Variants in NETO1 observed in about 807,000 individuals in gnomAD.
NETO1 encodes neuropilin and tolloid like 1, also known as neuropilin and tolloid-like protein 1.
A neutral mutation model predicts 61.3 loss-of-function variants in NETO1; 26 were observed. The observed-to-expected ratio is 0.42, with a 90% confidence interval of 0.31 to 0.59. NETO1 has a LOEUF of 0.59. Ranked by LOEUF, NETO1 falls within the 20% of genes least tolerant of loss-of-function variation. The pLI, the probability that NETO1 is intolerant of heterozygous loss-of-function variation, is 0.12. For synonymous variants in NETO1, 225 were observed against 225.8 expected (o/e 1.00, Z 0.03); for missense variants, 531 against 662.8 (o/e 0.80, Z 2.18).
At chr18:72,802,284 C>T (rs4265912) in intron 4 of NETO1, among the ~76,000 whole-genome samples, 9 of 151,982 alleles carry the variant, frequency 5.9e-5, no homozygotes, top group Admixed American at 4.6e-4. Flanking sequence ...AGACCTTGGT[C>T]GAGAAGCTCA....
At chr18:72,813,148 T>C (rs1426596325) in intron 4 of NETO1, among the ~76,000 whole-genome samples, 2 of 152,156 alleles carry the variant, frequency 1.3e-5, no homozygotes, top group East Asian at 3.9e-4. Context: ...AGAGGGACGA[T>C]GCCTTGCTGT....
At chr18:72,803,928 A>T (rs1157031721) in intron 4 of NETO1, among the ~76,000 whole-genome samples, 1 of 152,154 alleles carries the variant, frequency 6.6e-6, no homozygotes, top group Non-Finnish European at 1.5e-5. Flanking sequence ...ATCATAACAG[A>T]TTTAATGCAT....
At chr18:72,854,101 C>A (rs2074342861) in intron 4 of NETO1, among the ~76,000 whole-genome samples, 1 of 148,544 alleles carries the variant, frequency 6.7e-6, no homozygotes, top group South Asian at 2.2e-4. Context: ...TAAATCACTG[C>A]AGTGCAGTGT....
chr18:72,829,401 A>G (rs925248370), intron 4 of NETO1, among the ~76,000 whole-genome samples: 3 of 152,114 alleles, frequency 2.0e-5, no homozygotes, highest in African/African-American at 7.2e-5. Flanking sequence ...TAAAGAGAAA[A>G]AAATATCTAA....
At chr18:72,782,174 T>C (rs979835023) in intron 7 of NETO1, among the ~76,000 whole-genome samples, 49 of 152,204 alleles carry the variant, frequency 3.2e-4, no homozygotes, top group Non-Finnish European at 1.5e-4. Context: ...GCAAAGTACA[T>C]GGTATCATTC....
intron 4 of NETO1, among the ~76,000 whole-genome samples, chr18:72,809,260 T>C (rs970166269): frequency 6.6e-6 from 1 of 152,206 alleles, no homozygotes; most frequent in African/African-American, 2.4e-5. Context: ...AAAGCTTTTG[T>C]AATGATATTA....
chr18:72,745,284 T>A lies in NETO1; in HGVS notation c.*2895A>T, dbSNP rs1402542940. On this transcript the variant is annotated 3_prime_UTR_variant, in exon 11 of 11. Transcript: ENST00000327305. ...ATACAAAATAAATCAGATTTCCAAA[T>A]TAGAACCTTGAAATTAGGCAACTAC... 3 of 152,166 alleles carry A rather than the reference T, an allele frequency of 2.0e-5. No homozygotes were observed. The highest frequency in any genetic ancestry group is 4.4e-5 in the Non-Finnish European group (3 of 68,016). 9.4% of individuals were successfully genotyped at this position (152,166 alleles called of 1,614,324 possible). A position where few individuals can be genotyped will look rare whatever the true frequency, so the allele number is the denominator to read the frequency against.
intron 4 of NETO1, among the ~76,000 whole-genome samples, chr18:72,817,966 A>G (rs1308664441): frequency 2.0e-5 from 3 of 152,208 alleles, no homozygotes; most frequent in African/African-American, 4.8e-5. Context: ...CCTGTGAATG[A>G]GCTGGAAAGT....
chr18:72,749,829 G>A (rs969951282), intron 9 of NETO1, among the ~76,000 whole-genome samples: 36 of 151,988 alleles, frequency 2.4e-4, no homozygotes, highest in African/African-American at 8.5e-4. Context: ...AAGTATCTTT[G>A]GTCTCTGTGT....
chr18:72,822,694 A>G (rs1035388876), intron 4 of NETO1, among the ~76,000 whole-genome samples: 2 of 152,228 alleles, frequency 1.3e-5, no homozygotes, highest in Admixed American at 6.5e-5. Flanking sequence ...TGTTTTCAAA[A>G]CAAGTGGATT....
At chr18:72,781,839 T>C (rs1322850375) in intron 7 of NETO1, among the ~76,000 whole-genome samples, 1 of 150,166 alleles carries the variant, frequency 6.7e-6, no homozygotes, top group East Asian at 1.9e-4. Flanking sequence ...TTTCTTTTCA[T>C]TTAAAGTTGT....
At chr18:72,773,764 T>C (rs2071455147) in intron 7 of NETO1, among the ~76,000 whole-genome samples, 1 of 152,110 alleles carries the variant, frequency 6.6e-6, no homozygotes, top group Non-Finnish European at 1.5e-5. Flanking sequence ...TGTGAGTCAA[T>C]TTAACCTCTT....
At position 72,830,122 on chromosome 18, in the gene NETO1, G is replaced by A. The variant is rs917045342; in HGVS notation, c.469+28704C>T. Among the ~76,000 whole-genome samples the A allele has an allele frequency of 1.3e-5, 2 of 152,164 alleles. No individual in the cohort carries two copies. The highest frequency in any genetic ancestry group is 2.4e-5 in the African/African-American group (1 of 41,428). On this transcript the variant is annotated intron_variant, in intron 4 of 10. Transcript: ENST00000327305. This position sits in a 1 kb window ranked among gnomAD's most constrained non-coding sequence, Gnocchi z 4.9. ...CCTATGTGGCTGAAATATGAAGGAA[G>A]TACTATAAAACCTATGGCTTTATCA...
Position 72,835,410 on chromosome 18 carries a change from G to C in NETO1, c.469+23416C>G, listed in dbSNP as rs17086412. The C allele has an allele frequency of 4.7e-3, 5,053 of 1,070,172 alleles. 163 individuals are homozygous for C. The African/African-American group carries it at 0.07, about 15-fold the overall frequency. 66.3% of individuals were successfully genotyped at this position (1,070,172 alleles called of 1,614,324 possible). ...GAAGTCCACTTTAACAGCTGTTTGG[G>C]TAATACAGGAGGAGCAAATCCAAAG... On this transcript the variant is annotated intron_variant, in intron 4 of 10. Transcript: ENST00000327305.
At chr18:72,769,998 CCT>C (rs2071302199) in intron 7 of NETO1, among the ~76,000 whole-genome samples, 2 of 151,972 alleles carry the variant, frequency 1.3e-5, no homozygotes, top group Admixed American at 1.3e-4. Context: ...GCTAAATTGT[CCT>C]TCAGGAAATA....
At chr18:72,777,858 T>G (rs2071609629) in intron 7 of NETO1, among the ~76,000 whole-genome samples, 1 of 152,172 alleles carries the variant, frequency 6.6e-6, no homozygotes, top group South Asian at 2.1e-4. Flanking sequence ...CCTTCGTAGG[T>G]TGAAGTCACA....
In NETO1 at chr18:72,745,851, A is replaced by G. The variant is rs2070420213; in HGVS notation, c.*2328T>C. 6.6e-6 allele frequency: 1 copy of G among 152,174 alleles called. No homozygotes were observed. Among genetic ancestry groups the G allele is most frequent in the African/African-American group, 2.4e-5 (1 of 41,446 alleles). The allele number at this position is 152,174 out of a possible 1,614,324, so 9.4% of individuals were successfully genotyped here. A position where few individuals can be genotyped will look rare whatever the true frequency, so the allele number is the denominator to read the frequency against. On this transcript the variant is annotated 3_prime_UTR_variant, in exon 11 of 11. Coordinates refer to ENST00000327305, the MANE Select transcript of NETO1 (RefSeq NM_138966.5). ...CCCAGCATCGTCATTATCTTCTTTC[A>G]TGATTAGTCTGTGTCTGTACATTGT... is the stretch of plus-strand genomic sequence containing the variant.
At chr18:72,802,642 T>C (rs903144900) in intron 4 of NETO1, among the ~76,000 whole-genome samples, 1 of 152,210 alleles carries the variant, frequency 6.6e-6, no homozygotes, top group Non-Finnish European at 1.5e-5. Context: ...TCCTACGGTT[T>C]ATACTGGGAC....
chr18:72,822,623 A>AT (rs1229116382), intron 4 of NETO1, among the ~76,000 whole-genome samples: 1 of 152,128 alleles, frequency 6.6e-6, no homozygotes, highest in Non-Finnish European at 1.5e-5. Flanking sequence ...AGAGAATGAC[A>AT]TTTTTCTATT....
Sources: gnomAD v4.1 joint callset for allele counts (sites outside exome capture counted in the v4.1 genomes callset) on GRCh38, gnomAD v4.1.1 for gene constraint, Gnocchi (gnomAD v3.1) non-coding constraint, MANE v1.5 for transcripts, NCBI Gene and HGNC (gene_info 2026-07-23, HGNC 2026-07-21) for gene names.